Variants in FMR1 observed in about 807,000 individuals in gnomAD.
The protein encoded by FMR1 is FMRP translational regulator 1.
Under a neutral mutation model 50.6 loss-of-function variants are expected in FMR1, and 13 were observed. The observed-to-expected ratio is 0.26, with a 90% confidence interval of 0.17 to 0.41. The LOEUF is 0.41. Ranked by LOEUF, FMR1 falls within the 10% of genes least tolerant of loss-of-function variation. The probability of loss-of-function intolerance (pLI) is 1.00; values close to 1 mark genes in which losing one functional copy is unlikely to be tolerated. For synonymous variants in FMR1, 138 were observed against 164.1 expected, an observed-to-expected ratio of 0.84 and a Z score of 1.22; for missense variants, 316 against 491.3, an observed-to-expected ratio of 0.64 and a Z score of 3.37.
chrX:147,923,207 A>G (rs2124478746), intron 2 of FMR1, among the ~76,000 whole-genome samples: 1 of 112,019 alleles, frequency 8.9e-6, no homozygotes, highest in South Asian at 3.7e-4. Flanking sequence ...TAAAAGGATT[A>G]AAAGCATCTA....
intron 1 of FMR1, among the ~76,000 whole-genome samples, chrX:147,920,816 A>G (rs1460615396): frequency 4.5e-5 from 5 of 112,146 alleles, no homozygotes; most frequent in African/African-American, 1.6e-4. Context: ...GAAGACCAGT[A>G]AGAGATAGCT....
chrX:147,922,447 A>C lies in FMR1; in HGVS notation c.104+462A>C, dbSNP rs182047172. ...ATTATCTGATTTTTTTTAATGTTTCATATGTTCAGCAATAGCAGTAGCTGA... is the reference window on the plus strand; with the variant it reads ...ATTATCTGATTTTTTTTAATGTTTCCTATGTTCAGCAATAGCAGTAGCTGA... On this transcript the variant is annotated intron_variant, in intron 2 of 16. Coordinates refer to ENST00000370475, the MANE Select transcript of FMR1 (RefSeq NM_002024.6). Among the ~76,000 whole-genome samples, 391 of 111,707 alleles carry C rather than the reference A, an allele frequency of 3.5e-3. 4 individuals carry two copies. Among genetic ancestry groups the C allele is most frequent in the Non-Finnish European group, 5.5e-3 (294 of 53,006 alleles).
chrX:147,912,799 G>A (rs953556450), intron 1 of FMR1: 3 of 295,943 alleles, frequency 1.0e-5, no homozygotes, highest in African/African-American at 8.2e-5. Flanking sequence ...AGCGGTAGTC[G>A]GCACCAAATC....
chrX:147,935,272 CCAGT>C (rs2043751146), intron 9 of FMR1, among the ~76,000 whole-genome samples: 1 of 111,818 alleles, frequency 8.9e-6, no homozygotes, highest in South Asian at 3.7e-4. Context: ...TGTTCTATGA[CCAGT>C]CAAAGAGTTT....
intron 9 of FMR1, among the ~76,000 whole-genome samples, chrX:147,934,176 C>T (rs1603006329): frequency 9.4e-6 from 1 of 106,466 alleles, no homozygotes; most frequent in South Asian, 4.0e-4. Flanking sequence ...TTTAGGAATT[C>T]TTATGGAAAA....
chrX:147,940,805 G>T, intron 13 of FMR1, 143 bp downstream of exon 13: 1 of 443,512 alleles, frequency 2.3e-6, no homozygotes, highest in Non-Finnish European at 4.0e-6. Context: ...AAAATACGTT[G>T]TTTGGCTTAT....
intron 1 of FMR1, 89 bp from the exon 2 acceptor site, chrX:147,921,844 A>G: frequency 5.2e-6 from 3 of 581,301 alleles, no homozygotes. Flanking sequence ...TCATAAACAC[A>G]TAAAACGTTT....
chrX:147,930,314 G>A (rs2043548887), intron 7 of FMR1, 70 bp downstream of exon 7: 3 of 643,046 alleles, frequency 4.7e-6, no homozygotes, highest in Admixed American at 4.4e-5. Context: ...TCCACAACTT[G>A]AATATGGGGA....
At chrX:147,935,053 A>G (rs1269122718) in intron 9 of FMR1, among the ~76,000 whole-genome samples, 1 of 111,866 alleles carries the variant, frequency 8.9e-6, no homozygotes, top group Admixed American at 9.5e-5. Context: ...AACATCCCCA[A>G]ATCTCATTTT....
intron 9 of FMR1, among the ~76,000 whole-genome samples, chrX:147,934,148 TAGAA>T (rs1483048348): frequency 1.8e-5 from 2 of 111,523 alleles, no homozygotes; most frequent in Non-Finnish European, 3.8e-5. Context: ...CTTTTGTAGT[TAGAA>T]AGGTTATTGT....
chrX:147,938,805 T>C (rs951799386), intron 12 of FMR1, among the ~76,000 whole-genome samples: 5 of 111,825 alleles, frequency 4.5e-5, no homozygotes, highest in Non-Finnish European at 9.4e-5. Context: ...GGATTGGATA[T>C]GTCTCATTGC....
At chrX:147,945,096 G>A (rs929676479) in intron 15 of FMR1, 45 bp downstream of exon 15, 3 of 1,162,032 alleles carry the variant, frequency 2.6e-6, no homozygotes, top group Non-Finnish European at 2.3e-6. Context: ...TGTAACAGCT[G>A]TCTTGAAGTT....
chrX:147,943,439 A>G (rs1248936998), intron 14 of FMR1, 113 bp downstream of exon 14: 2 of 674,073 alleles, frequency 3.0e-6, no homozygotes, highest in Admixed American at 2.6e-5. Context: ...ATGGTTTCCA[A>G]TTCACAGTGG....
intron 12 of FMR1, among the ~76,000 whole-genome samples, chrX:147,938,578 C>G (rs782184615): frequency 8.9e-6 from 1 of 111,854 alleles, no homozygotes; most frequent in Admixed American, 9.5e-5. Context: ...TCCCCACCCC[C>G]TTGACTGGTT....
chrX:147,921,019 A>G (rs781956371), intron 1 of FMR1, among the ~76,000 whole-genome samples: 1 of 111,952 alleles, frequency 8.9e-6, no homozygotes, highest in African/African-American at 3.2e-5. Context: ...GAGTTTGGCT[A>G]TGGTCCTGCA....
intron 12 of FMR1, among the ~76,000 whole-genome samples, chrX:147,938,934 G>A (rs1379169190): frequency 9.0e-6 from 1 of 111,691 alleles, no homozygotes; most frequent in African/African-American, 3.3e-5. Flanking sequence ...CTCGTGAAGT[G>A]CTTAAATTAG....
intron 1 of FMR1, among the ~76,000 whole-genome samples, chrX:147,917,545 A>G (rs2042934434): frequency 9.0e-6 from 1 of 111,394 alleles, no homozygotes; most frequent in African/African-American, 3.3e-5. Context: ...AACTCTAAAT[A>G]ACCTTTTAAT....
At chrX:147,921,453 G>A (rs782269108) in intron 1 of FMR1, among the ~76,000 whole-genome samples, 1 of 109,586 alleles carries the variant, frequency 9.1e-6, no homozygotes, top group Non-Finnish European at 1.9e-5. Flanking sequence ...TAGTATATTT[G>A]TGTGTGCGTA....
chrX:147,939,289 G>A (rs2043897435), intron 12 of FMR1, among the ~76,000 whole-genome samples: 1 of 110,538 alleles, frequency 9.0e-6, no homozygotes, highest in South Asian at 3.7e-4. Flanking sequence ...ATATATATGG[G>A]CTAGGAGTAC....
Sources: allele counts gnomAD v4.1 joint callset (sites outside exome capture counted in the v4.1 genomes callset), GRCh38; gene constraint gnomAD v4.1.1; transcripts MANE v1.5; gene names NCBI Gene and HGNC (gene_info 2026-07-23, HGNC 2026-07-21).